ZNF883: variants seen among roughly 807,000 people sequenced by gnomAD.
The protein encoded by ZNF883 is zinc finger protein 883.
chr9:113,001,473 T>C (rs1828423151), upstream of ZNF883, among the ~76,000 whole-genome samples: 1 of 152,084 alleles, frequency 6.6e-6, no homozygotes, highest in Non-Finnish European at 1.5e-5. Flanking sequence ...GATAAAGGTA[T>C]ATAGAAATGA....
intron 2 of ZNF883, among the ~76,000 whole-genome samples, chr9:113,004,529 T>C: frequency 6.6e-6 from 1 of 151,894 alleles, no homozygotes; most frequent in Admixed American, 6.6e-5. Context: ...AGTGCACTTG[T>C]AAGAGGAAAC....
At chr9:113,003,047 C>G (rs1445690590), upstream of ZNF883, among the ~76,000 whole-genome samples, 2 of 152,166 alleles carry the variant, frequency 1.3e-5, no homozygotes, top group Non-Finnish European at 2.9e-5. Context: ...TGCCCTGTCT[C>G]AGGTATTTTG....
downstream of ZNF883, among the ~76,000 whole-genome samples, chr9:112,993,287 G>A (rs190732644): frequency 1.3e-5 from 2 of 152,302 alleles, no homozygotes; most frequent in Admixed American, 1.3e-4. Flanking sequence ...TACTGTTGTT[G>A]CTGTTGCTGT....
chr9:113,006,059 A>C (rs542524421), intron 2 of ZNF883, among the ~76,000 whole-genome samples: 1 of 151,842 alleles, frequency 6.6e-6, no homozygotes, highest in Non-Finnish European at 1.5e-5. Context: ...ACAGTAAAGA[A>C]ACCAGCCTAT....
chr9:113,002,296 AC>A (rs1484028652), upstream of ZNF883, among the ~76,000 whole-genome samples: 1 of 152,188 alleles, frequency 6.6e-6, no homozygotes, highest in Non-Finnish European at 1.5e-5. Context: ...CTATAAAGAC[AC>A]CTAAAACAAT....
chr9:112,993,803 G>C (rs1022948827), downstream of ZNF883, among the ~76,000 whole-genome samples: 1 of 152,202 alleles, frequency 6.6e-6, no homozygotes, highest in Non-Finnish European at 1.5e-5. Context: ...ATTGATCAGG[G>C]CCTGGCCTAA....
At chr9:112,992,788 C>G (rs192737936), downstream of ZNF883, among the ~76,000 whole-genome samples, 2 of 152,234 alleles carry the variant, frequency 1.3e-5, no homozygotes, top group East Asian at 3.9e-4. Flanking sequence ...TCTTTTTTCT[C>G]TAATCTTGTC....
intron 1 of ZNF883, among the ~76,000 whole-genome samples, chr9:112,988,667 A>T (rs1309377585): frequency 6.6e-6 from 1 of 152,184 alleles, no homozygotes; most frequent in African/African-American, 2.4e-5. Flanking sequence ...TTGGGTATAT[A>T]CTCAGTAATG....
upstream of ZNF883, chr9:112,999,836 CT>C (rs956259760): frequency 1.3e-5 from 2 of 152,176 alleles, no homozygotes; most frequent in Non-Finnish European, 2.9e-5. Flanking sequence ...TCAAATATCA[CT>C]GTTTAAGAAT....
At chr9:113,004,136 C>G (rs529321426) in intron 2 of ZNF883, among the ~76,000 whole-genome samples, 1 of 152,320 alleles carries the variant, frequency 6.6e-6, no homozygotes, top group Admixed American at 6.5e-5. Flanking sequence ...GAGCAGAGAA[C>G]AGAGTTACGC....
rs531352929 is a variant in ZNF883, at chr9:112,989,509, G to A, written n.310-5930C>T. On this transcript the variant is annotated intron_variant and non_coding_transcript_variant, in intron 1 of 9. Transcript: ENST00000638823. ...TCGTTTTTGGACCAGTACTGTGCTC[G>A]TTTGGTTACTGTAGCCTCATAGTAT... Among the ~76,000 whole-genome samples, 41 of 152,114 alleles carry A rather than the reference G, an allele frequency of 2.7e-4. 1 individual carries two copies. Among genetic ancestry groups the A allele is most frequent in the African/African-American group, 9.4e-4 (39 of 41,524 alleles).
At chr9:112,995,196 T>C (rs1207120554), downstream of ZNF883, among the ~76,000 whole-genome samples, 3 of 151,456 alleles carry the variant, frequency 2.0e-5, no homozygotes, top group East Asian at 1.9e-4. Flanking sequence ...TAGGCCCAAA[T>C]AGAATAAAAG....
chr9:112,999,829 A>T (rs568118304), upstream of ZNF883: 1 of 152,184 alleles, frequency 6.6e-6, no homozygotes, highest in Non-Finnish European at 1.5e-5. Context: ...AAGGTCATCA[A>T]ATATCACTGT....
At chr9:113,008,857 C>T (rs1828502878) in intron 2 of ZNF883, among the ~76,000 whole-genome samples, 1 of 151,806 alleles carries the variant, frequency 6.6e-6, no homozygotes. Flanking sequence ...AATGGGAATA[C>T]TTCCTGGAAG....
At chr9:113,004,357 A>G (rs922552211) in intron 2 of ZNF883, among the ~76,000 whole-genome samples, 2 of 152,212 alleles carry the variant, frequency 1.3e-5, no homozygotes, top group African/African-American at 2.4e-5. Flanking sequence ...CTAGGAGACA[A>G]ATGCATACTC....
chr9:112,997,845 C>G (rs767174077), exon 1 of ZNF883: 1 of 1,612,974 alleles, frequency 6.2e-7, no homozygotes, highest in Admixed American at 1.7e-5. Flanking sequence ...TGAGTAAGGG[C>G]AGAGATATGG....
At chr9:113,005,022 A>G (rs1828461169) in intron 2 of ZNF883, among the ~76,000 whole-genome samples, 1 of 152,130 alleles carries the variant, frequency 6.6e-6, no homozygotes, top group African/African-American at 2.4e-5. Context: ...GAAAAAATAA[A>G]TTCAAAGCTG....
chr9:113,009,570 C>T (rs1828511719), intron 2 of ZNF883, among the ~76,000 whole-genome samples: 1 of 151,298 alleles, frequency 6.6e-6, no homozygotes, highest in Admixed American at 6.6e-5. Flanking sequence ...AATGCAGTGG[C>T]GTGATCTCGG....
At chr9:113,010,984 C>CAAA (rs35069505) in intron 2 of ZNF883, among the ~76,000 whole-genome samples, 157 bp downstream of exon 2, 4 of 117,988 alleles carry the variant, frequency 3.4e-5, no homozygotes, top group Admixed American at 2.6e-4. Flanking sequence ...GACCTTGTCT[C>CAAA]AAAAAAAAAA....
Sources: gnomAD v4.1 joint callset for allele counts (sites outside exome capture counted in the v4.1 genomes callset) on GRCh38, gnomAD v4.1.1 for gene constraint, MANE v1.5 for transcripts, NCBI Gene and HGNC (gene_info 2026-07-23, HGNC 2026-07-21) for gene names.